RGS12: variants seen among roughly 807,000 people sequenced by gnomAD.
RGS12 encodes regulator of G-protein signaling 12.
RGS12 carries 66 observed loss-of-function variants against 120.1 expected under a neutral mutation model. The observed-to-expected ratio is 0.55, with a 90% CI of 0.45 to 0.67. The LOEUF (loss-of-function observed/expected upper bound fraction) is 0.67. Ranked by LOEUF, RGS12 falls within the 30% of genes least tolerant of loss-of-function variation. The probability of loss-of-function intolerance (pLI) is 0.00; values close to 1 mark genes in which losing one functional copy is unlikely to be tolerated. For synonymous variants in RGS12, 827 were observed against 804.7 expected, an observed-to-expected ratio of 1.03 and a Z score of -0.47; for missense variants, 1,859 against 1,957.7, an observed-to-expected ratio of 0.95 and a Z score of 0.95.
intron 2 of RGS12, among the ~76,000 whole-genome samples, chr4:3,320,092 G>A (rs1239775704): frequency 6.6e-6 from 1 of 152,266 alleles, no homozygotes; most frequent in African/African-American, 2.4e-5. Context: ...GTGTTTATGT[G>A]GTTCTTTGTG....
rs1717076051 is a variant in RGS12, at chr4:3,372,148, G to T, written c.1999-14268G>T. ...GTTAGATGCTGAGAGGAGGCACGGA[G>T]ACCCCAGCCCCAAAGAAATAGGAAT... On this transcript the variant is annotated intron_variant, in intron 3 of 17. Transcript: ENST00000336727. The surrounding 1 kb of genome is among the most constrained non-coding windows in gnomAD (Gnocchi z 4.3). 6.6e-6 allele frequency among the ~76,000 whole-genome samples: 1 copy of T among 152,218 alleles called. No individual in the cohort carries two copies.
rs893729291 is a variant in RGS12, at chr4:3,372,036, G to C, written c.1999-14380G>C. 2.6e-5 allele frequency among the ~76,000 whole-genome samples: 4 copies of C among 152,192 alleles called. No individual in the cohort carries two copies. Among genetic ancestry groups the C allele is most frequent in the African/African-American group, 9.7e-5 (4 of 41,448 alleles). ...TGGTTCCCTGGCTTTGGCAGGCCGG[G>C]AAGATGCCCGTGCCTGTCACCTAAT... On this transcript the variant is annotated intron_variant, in intron 3 of 17. Transcript: ENST00000336727. This position sits in a 1 kb window ranked among gnomAD's most constrained non-coding sequence, Gnocchi z 4.3.
intron 2 of RGS12, among the ~76,000 whole-genome samples, chr4:3,327,250 G>T (rs892149916): frequency 8.5e-5 from 13 of 152,190 alleles, no homozygotes; most frequent in Non-Finnish European, 1.8e-4. Context: ...CTGTGTAGAA[G>T]AATGAAACTG....
chr4:3,295,800 A>G (rs1723351042), intron 1 of RGS12, among the ~76,000 whole-genome samples: 1 of 152,200 alleles, frequency 6.6e-6, no homozygotes, highest in Admixed American at 6.5e-5. Flanking sequence ...ACAAAATCCT[A>G]AAGCCCAGAC....
chr4:3,345,974 C>T (rs1443849632), intron 3 of RGS12, among the ~76,000 whole-genome samples: 2 of 152,022 alleles, frequency 1.3e-5, no homozygotes, highest in African/African-American at 2.4e-5. Flanking sequence ...CCGGGCAGAT[C>T]TTGAATTCCT....
intron 1 of RGS12, among the ~76,000 whole-genome samples, chr4:3,303,871 G>C (rs1723819605): frequency 6.6e-6 from 1 of 152,188 alleles, no homozygotes; most frequent in Non-Finnish European, 1.5e-5. Flanking sequence ...AAGAAACGAA[G>C]CATTCTGAAA....
At chr4:3,311,536 T>C (rs1027399907) in intron 1 of RGS12, among the ~76,000 whole-genome samples, 25 of 152,182 alleles carry the variant, frequency 1.6e-4, no homozygotes, top group African/African-American at 5.8e-4. Flanking sequence ...GCATCCCTTA[T>C]CCAGATGCTC....
At chr4:3,348,935 A>G (rs942850921) in intron 3 of RGS12, among the ~76,000 whole-genome samples, 1 of 152,234 alleles carries the variant, frequency 6.6e-6, no homozygotes, top group Non-Finnish European at 1.5e-5. Context: ...TGCCATTCTA[A>G]ATGAAGACAG....
chr4:3,294,991 G>A (rs556684811), intron 1 of RGS12, among the ~76,000 whole-genome samples: 2 of 152,146 alleles, frequency 1.3e-5, no homozygotes, highest in Non-Finnish European at 2.9e-5. Context: ...GGAGGTGGGA[G>A]GGAGGCACTC....
At position 3,422,606 on chromosome 4, in the gene RGS12, G is replaced by A. The variant is rs1037076528; in HGVS notation, c.3033+36G>A. On this transcript the variant is annotated intron_variant, in intron 11 of 17. Coordinates refer to ENST00000336727, the MANE Select transcript of RGS12 (RefSeq NM_001394154.1). ...CGCCTGACCCTCGTGCTGCCCTCAG[G>A]CCATGACCTCCCCGCTCCCTGGCCC... 6 of 1,588,144 alleles carry A rather than the reference G, an allele frequency of 3.8e-6. No homozygotes were observed. In the African/African-American group the frequency reaches 5.4e-5, roughly 14 times the overall value.
At chr4:3,376,044 G>A (rs1277143530) in intron 3 of RGS12, among the ~76,000 whole-genome samples, 4 of 152,228 alleles carry the variant, frequency 2.6e-5, no homozygotes. Flanking sequence ...GTGACAAGGA[G>A]GAGCATCCCA....
intron 4 of RGS12, among the ~76,000 whole-genome samples, chr4:3,388,630 T>C (rs1283044479): frequency 7.0e-6 from 1 of 143,054 alleles, no homozygotes; most frequent in Non-Finnish European, 1.5e-5. Flanking sequence ...TCCTGGAGAG[T>C]CCCCCGCTCC....
At chr4:3,415,122 C>T (rs1389137396) in intron 6 of RGS12, among the ~76,000 whole-genome samples, 1 of 75,806 alleles carries the variant, frequency 1.3e-5, no homozygotes, top group Non-Finnish European at 2.6e-5. Flanking sequence ...GAGAGGGCCG[C>T]GTGTGTGTGA....
At chr4:3,292,896 C>A (rs1723114687), upstream of RGS12, 1 of 151,142 alleles carries the variant, frequency 6.6e-6, no homozygotes, top group Non-Finnish European at 1.5e-5. Context: ...CCGTGCCCCG[C>A]CCCCGCATCG....
Position 3,317,401 on chromosome 4 carries a change from G to A in RGS12, c.1231G>A (p.Asp411Asn), listed in dbSNP as rs201483642. Residue 411 changes from aspartate to asparagine, a missense_variant, in exon 2 of 18, where the codon GAT becomes AAT. Asp to Asn is a conservative substitution (Grantham distance 23). Coordinates refer to ENST00000336727, the MANE Select transcript of RGS12 (RefSeq NM_001394154.1). The part of the protein sequence containing the change: ...RARAFLDGDA[D>N]AHQNNSTSSN... ...CCGCGCCTTTCTGGACGGGGACGCC[G>A]ATGCCCACCAGAACAACAGCACCAG... is the stretch of plus-strand genomic sequence containing the variant. The A allele has an allele frequency of 4.3e-6, 7 of 1,614,068 alleles. No homozygotes were observed. The highest frequency in any genetic ancestry group is 3.3e-5 in the South Asian group (3 of 91,072).
At chr4:3,356,246 G>A (rs1458762396) in intron 3 of RGS12, among the ~76,000 whole-genome samples, 5 of 151,636 alleles carry the variant, frequency 3.3e-5, no homozygotes, top group Admixed American at 3.3e-4. Context: ...GTAGAGACAG[G>A]GTTTCACCAT....
rs147138043 is a variant in RGS12 at position 3,397,900 on chromosome 4, G to A, written c.2020+11463G>A. ...AAGATGCTGAAGATGTGGTTTGAGA[G>A]GCAATAGGACATAGAACAATTAAGA... On this transcript the variant is annotated intron_variant, in intron 4 of 17. Coordinates refer to ENST00000336727, the MANE Select transcript of RGS12 (RefSeq NM_001394154.1). Among the ~76,000 whole-genome samples, 735 of 152,314 alleles carry A rather than the reference G, an allele frequency of 4.8e-3. 6 individuals carry two copies. Among genetic ancestry groups the A allele is most frequent in the Non-Finnish European group, 8.0e-3 (542 of 68,022 alleles).
At chr4:3,307,665 G>A (rs1464767689) in intron 1 of RGS12, among the ~76,000 whole-genome samples, 1 of 152,220 alleles carries the variant, frequency 6.6e-6, no homozygotes, top group Non-Finnish European at 1.5e-5. Flanking sequence ...GGGTGTGCCA[G>A]CCTCGAGGCC....
chr4:3,295,818 C>T (rs1043131232), intron 1 of RGS12, among the ~76,000 whole-genome samples: 1 of 152,340 alleles, frequency 6.6e-6, no homozygotes, highest in African/African-American at 2.4e-5. Flanking sequence ...GACCATTTTA[C>T]ATTTTATTTG....
Sources: gnomAD v4.1 joint callset for allele counts (sites outside exome capture counted in the v4.1 genomes callset) on GRCh38, gnomAD v4.1.1 for gene constraint, Gnocchi (gnomAD v3.1) non-coding constraint, MANE v1.5 for transcripts, NCBI Gene and HGNC (gene_info 2026-07-23, HGNC 2026-07-21) for gene names.